The following DGKD variants were observed in gnomAD, a reference collection of about 807,000 sequenced individuals.
The protein encoded by DGKD is diacylglycerol kinase delta, also known as DAG kinase delta.
In DGKD, 68 loss-of-function variants were observed where a neutral mutation model predicts 154.4. The ratio of observed to expected loss-of-function variants is 0.44; its 90% CI spans 0.36 to 0.54. The LOEUF (loss-of-function observed/expected upper bound fraction) is 0.54. Ranked by LOEUF, DGKD falls within the 20% of genes least tolerant of loss-of-function variation. The pLI, the probability that DGKD is intolerant of heterozygous loss-of-function variation, is 0.00. For synonymous variants in DGKD, 693 were observed against 638.0 expected, an observed-to-expected ratio of 1.09 and a Z score of -1.30; for missense variants, 1,343 against 1,593.6, an observed-to-expected ratio of 0.84 and a Z score of 2.68.
chr2:233,432,054 A>C (rs757024057), intron 3 of DGKD, among the ~76,000 whole-genome samples: 2 of 152,246 alleles, frequency 1.3e-5, no homozygotes, highest in Non-Finnish European at 2.9e-5. Context: ...ACAGCAAAGG[A>C]AACAGTCAAC....
At chr2:233,397,491 G>T (rs1421620112) in intron 3 of DGKD, among the ~76,000 whole-genome samples, 1 of 134,512 alleles carries the variant, frequency 7.4e-6, no homozygotes, top group African/African-American at 2.8e-5. Context: ...GGCTGGCGGG[G>T]GGCCAGAGCG....
intron 12 of DGKD, chr2:233,447,744 C>CATT: frequency 9.0e-7 from 1 of 1,107,938 alleles, no homozygotes; most frequent in Non-Finnish European, 1.1e-6. Context: ...GCAAACGGAC[C>CATT]CAAACCTGGA....
At chr2:233,404,199 G>A (rs955076928) in intron 3 of DGKD, among the ~76,000 whole-genome samples, 25 of 152,064 alleles carry the variant, frequency 1.6e-4, no homozygotes, top group African/African-American at 2.4e-5. Context: ...ATGAGTCTCT[G>A]TAATGATCGT....
intron 29 of DGKD, 47 bp downstream of exon 29, chr2:233,468,600 C>T (rs768261656): frequency 3.7e-6 from 6 of 1,608,550 alleles, no homozygotes; most frequent in South Asian, 1.1e-5. Context: ...GGCTTGCACG[C>T]AGCTCCCTTC....
Position 233,438,438 on chromosome 2 carries a change from T to A in DGKD, c.1085+59T>A. 6.7e-7 allele frequency: 1 copy of A among 1,502,528 alleles called. No individual in the cohort carries two copies. The highest frequency in any genetic ancestry group is 8.9e-7 in the Non-Finnish European group (1 of 1,128,246). 93.1% of individuals were successfully genotyped at this position (1,502,528 alleles called of 1,614,324 possible). Reference sequence around the variant, plus strand: ...TTTTAAAAATTGTGTAGATAGTGTGTGCTTGTTAAAAAAAAAAAGTTCAAA... The same window carrying A: ...TTTTAAAAATTGTGTAGATAGTGTGAGCTTGTTAAAAAAAAAAAGTTCAAA... On this transcript the variant is annotated intron_variant, in intron 9 of 29. Transcript: ENST00000264057. The surrounding 1 kb of genome is among the most constrained non-coding windows in gnomAD (Gnocchi z 4.1).
intron 1 of DGKD, among the ~76,000 whole-genome samples, chr2:233,376,163 T>A (rs1365730535): frequency 6.6e-6 from 1 of 152,180 alleles, no homozygotes; most frequent in Non-Finnish European, 1.5e-5. Context: ...GCCTTTGGTG[T>A]GTAGTGGAGA....
intron 3 of DGKD, among the ~76,000 whole-genome samples, chr2:233,400,296 A>G (rs763794447): frequency 2.0e-5 from 3 of 152,230 alleles, no homozygotes; most frequent in Admixed American, 6.5e-5. Context: ...GGCTTTGTCT[A>G]CAGGACAGCG....
In DGKD at chr2:233,385,844, G is replaced by T. The variant is rs145901217; in HGVS notation, c.157-2413G>T. ...ATGCAGTTTCTGAGAAGGCTTCAAA[G>T]AAATAATGGTCTTTATCTTTTCCCC... On this transcript the variant is annotated intron_variant, in intron 1 of 29. Coordinates refer to ENST00000264057, the MANE Select transcript of DGKD (RefSeq NM_152879.3). 1,119 of 420,334 alleles carry T rather than the reference G, an allele frequency of 2.7e-3. 20 individuals carry two copies. The highest frequency in any genetic ancestry group is 0.01 in the South Asian group (587 of 57,924). The allele number at this position is 420,334 out of a possible 1,614,324, so 26.0% of individuals were successfully genotyped here.
At chr2:233,391,639 G>A (rs1026068102) in intron 3 of DGKD, among the ~76,000 whole-genome samples, 1 of 152,182 alleles carries the variant, frequency 6.6e-6, no homozygotes, top group African/African-American at 2.4e-5. Context: ...GACAAAAAGT[G>A]TGTACCCTAA....
intron 1 of DGKD, among the ~76,000 whole-genome samples, chr2:233,387,531 C>T (rs963309926): frequency 6.6e-6 from 1 of 152,156 alleles, no homozygotes; most frequent in Non-Finnish European, 1.5e-5. Flanking sequence ...CTGCGTAAGG[C>T]GGGAGAGCAG....
At chr2:233,431,890 G>A (rs748571172) in intron 3 of DGKD, among the ~76,000 whole-genome samples, 3 of 152,342 alleles carry the variant, frequency 2.0e-5, no homozygotes, top group Non-Finnish European at 4.4e-5. Context: ...AACTTTCTAG[G>A]ACGTTGGACT....
At chr2:233,461,149 A>G (rs1310931919) in intron 24 of DGKD, among the ~76,000 whole-genome samples, 2 of 151,886 alleles carry the variant, frequency 1.3e-5, no homozygotes, top group Non-Finnish European at 2.9e-5. Flanking sequence ...CTCGCCCGCC[A>G]GGTGCGGGTT....
intron 1 of DGKD, among the ~76,000 whole-genome samples, chr2:233,383,752 A>G (rs1280032490): frequency 2.6e-5 from 4 of 152,140 alleles, no homozygotes; most frequent in Non-Finnish European, 5.9e-5. Flanking sequence ...CAAGCTTCCA[A>G]ATCTGCAAGG....
At chr2:233,356,883 A>G (rs2125366289) in intron 1 of DGKD, among the ~76,000 whole-genome samples, 1 of 152,242 alleles carries the variant, frequency 6.6e-6, no homozygotes, top group South Asian at 2.1e-4. Flanking sequence ...GGTACATAAT[A>G]GAAACATCAA....
intron 1 of DGKD, among the ~76,000 whole-genome samples, chr2:233,384,246 T>C (rs1703050014): frequency 6.6e-6 from 1 of 152,146 alleles, no homozygotes; most frequent in African/African-American, 2.4e-5. Context: ...TCAGCTCAGT[T>C]CTCATTTATG....
intron 1 of DGKD, among the ~76,000 whole-genome samples, chr2:233,381,971 C>G (rs183624678): frequency 1.3e-5 from 2 of 152,208 alleles, no homozygotes; most frequent in Non-Finnish European, 2.9e-5. Flanking sequence ...CGGTGGCTCA[C>G]GCCTGTGATC....
At position 233,458,487 on chromosome 2, in the gene DGKD, G is replaced by GC; in HGVS notation, c.2694+91dup. On this transcript the variant is annotated intron_variant, in intron 22 of 29. Coordinates refer to ENST00000264057, the MANE Select transcript of DGKD (RefSeq NM_152879.3). The surrounding 1 kb of genome is among the most constrained non-coding windows in gnomAD (Gnocchi z 6.6). ...CAGTGCATGGAGCCTGGGAGGGTGG[G>GC]CGCTTTCCAGGGCCATGTGGCTGCC... 8.0e-6 allele frequency: 8 copies of GC among 1,001,998 alleles called. No homozygotes were observed. Among genetic ancestry groups the GC allele is most frequent in the Non-Finnish European group, 1.5e-6 (1 of 669,516 alleles). The allele number at this position is 1,001,998 out of a possible 1,614,324, so 62.1% of individuals were successfully genotyped here. A position where few individuals can be genotyped will look rare whatever the true frequency, so the allele number is the denominator to read the frequency against.
In DGKD at chr2:233,449,863, CCAGA is replaced by C; in HGVS notation, c.1889-118_1889-115del. The C allele has an allele frequency of 7.9e-7, 1 of 1,266,592 alleles. No homozygotes were observed. The highest frequency in any genetic ancestry group is 1.6e-5 in the South Asian group (1 of 62,146). 78.5% of individuals were successfully genotyped at this position (1,266,592 alleles called of 1,614,324 possible). ...GGGGTTTCGGAGTCCAAGCCTTTAG[CCAGA>C]GGTTGTTTGAGGAAGATCAGGCCGT... On this transcript the variant is annotated intron_variant, in intron 15 of 29. Coordinates refer to ENST00000264057, the MANE Select transcript of DGKD (RefSeq NM_152879.3). The surrounding 1 kb of genome is among the most constrained non-coding windows in gnomAD (Gnocchi z 5.3).
intron 27 of DGKD, among the ~76,000 whole-genome samples, chr2:233,466,830 G>A (rs902210224): frequency 4.6e-5 from 7 of 152,212 alleles, no homozygotes; most frequent in Non-Finnish European, 8.8e-5. Flanking sequence ...CATGAGAAAC[G>A]CACATGTAAA....
Sources: gnomAD v4.1 joint callset for allele counts (sites outside exome capture counted in the v4.1 genomes callset) on GRCh38, gnomAD v4.1.1 for gene constraint, Gnocchi (gnomAD v3.1) non-coding constraint, MANE v1.5 for transcripts, NCBI Gene and HGNC (gene_info 2026-07-23, HGNC 2026-07-21) for gene names.